ZNF709: variants seen among roughly 807,000 people sequenced by gnomAD.
The protein encoded by ZNF709 is zinc finger protein 709.
ZNF709 carries 15 observed loss-of-function variants against 10.6 expected under a neutral mutation model. The ratio of observed to expected loss-of-function variants is 1.41; its 90% confidence interval spans 0.95 to 2.18. The LOEUF (loss-of-function observed/expected upper bound fraction) is 2.18, where lower values mean the gene tolerates loss of function less well. ZNF709 is among the 30% of genes most tolerant of loss of function. The pLI is 0.00. For missense variants in ZNF709, 589 were observed against 774.0 expected, an observed-to-expected ratio of 0.76 and a Z score of 2.84; for synonymous variants, 194 against 238.8, an observed-to-expected ratio of 0.81 and a Z score of 1.73.
chr19:12,484,377 G>T (rs1242856860), intron 1 of ZNF709, among the ~76,000 whole-genome samples: 1 of 152,222 alleles, frequency 6.6e-6, no homozygotes, highest in African/African-American at 2.4e-5. Context: ...ACAATCTGGG[G>T]AGACGCGAGG....
At chr19:12,469,689 A>C (rs962846290) in intron 1 of ZNF709, among the ~76,000 whole-genome samples, 3 of 152,026 alleles carry the variant, frequency 2.0e-5, no homozygotes, top group South Asian at 2.1e-4. Flanking sequence ...GAATGGCGTG[A>C]ACCTGGGAGG....
intron 1 of ZNF709, among the ~76,000 whole-genome samples, chr19:12,473,660 T>C (rs143671689): frequency 5.3e-5 from 8 of 152,328 alleles, no homozygotes; most frequent in African/African-American, 1.7e-4. Context: ...GACATAGACA[T>C]ATTCATCACA....
At chr19:12,479,417 A>G (rs749881159) in intron 1 of ZNF709, among the ~76,000 whole-genome samples, 2 of 152,226 alleles carry the variant, frequency 1.3e-5, no homozygotes, top group Non-Finnish European at 2.9e-5. Context: ...AGACTCAACT[A>G]TTGTGGATTT....
intron 1 of ZNF709, among the ~76,000 whole-genome samples, chr19:12,477,622 G>A (rs775727069): frequency 4.6e-5 from 7 of 152,128 alleles, no homozygotes; most frequent in Admixed American, 2.6e-4. Context: ...TTGAGCCCTT[G>A]TATTGGCTAA....
intron 1 of ZNF709, among the ~76,000 whole-genome samples, chr19:12,473,757 T>A (rs991952172): frequency 2.0e-5 from 3 of 152,292 alleles, no homozygotes. Context: ...TTTAGAAATT[T>A]TAAGACTAGG....
intron 1 of ZNF709, among the ~76,000 whole-genome samples, chr19:12,470,798 G>A (rs182360463): frequency 2.0e-5 from 3 of 152,104 alleles, no homozygotes; most frequent in Non-Finnish European, 2.9e-5. Flanking sequence ...GTGATGTCGG[G>A]AGCCTGTAGT....
At position 12,463,035 on chromosome 19, in the gene ZNF709, T is replaced by C. The variant is rs923943513; in HGVS notation, c.*961A>G. 2.0e-5 allele frequency: 3 copies of C among 152,228 alleles called. No individual in the cohort carries two copies. Among genetic ancestry groups the C allele is most frequent in the African/African-American group, 4.8e-5 (2 of 41,466 alleles). The allele number at this position is 152,228 out of a possible 1,614,324, so 9.4% of individuals were successfully genotyped here. ...AATATGTTTTATCACATTTCTGACATGTTGTGAATTTTCTAGAACAATATA... is the reference window on the plus strand; with the variant it reads ...AATATGTTTTATCACATTTCTGACACGTTGTGAATTTTCTAGAACAATATA... On this transcript the variant is annotated 3_prime_UTR_variant, in exon 4 of 4. Transcript: ENST00000397732.
chr19:12,466,589 T>C, intron 2 of ZNF709, 70 bp from the exon 3 acceptor site: 1 of 1,604,136 alleles, frequency 6.2e-7, no homozygotes, highest in Non-Finnish European at 8.5e-7. Context: ...ATTCTAAATC[T>C]AGGATGAGCT....
intron 1 of ZNF709, among the ~76,000 whole-genome samples, chr19:12,482,181 A>ACGCG: frequency 1.3e-5 from 2 of 150,956 alleles, no homozygotes; most frequent in East Asian, 4.0e-4. Context: ...ACACACACAC[A>ACGCG]CACGCTCCCT....
At chr19:12,468,741 T>G (rs1474434417) in intron 1 of ZNF709, among the ~76,000 whole-genome samples, 1 of 151,808 alleles carries the variant, frequency 6.6e-6, no homozygotes, top group African/African-American at 2.4e-5. Context: ...ATATTTCCAG[T>G]TTAAGACCAA....
intron 1 of ZNF709, among the ~76,000 whole-genome samples, chr19:12,468,124 C>T (rs1046893987): frequency 6.6e-6 from 1 of 151,764 alleles, no homozygotes; most frequent in Non-Finnish European, 1.5e-5. Context: ...TGGGGGGCGC[C>T]TCTGCCTGGC....
intron 1 of ZNF709, among the ~76,000 whole-genome samples, chr19:12,469,092 G>A (rs529076434): frequency 2.6e-5 from 4 of 152,042 alleles, no homozygotes; most frequent in African/African-American, 9.6e-5. Flanking sequence ...CGCCCACCTC[G>A]GCCTCCCAAA....
chr19:12,483,699 G>A (rs530022325), intron 1 of ZNF709, among the ~76,000 whole-genome samples: 1 of 152,004 alleles, frequency 6.6e-6, no homozygotes, highest in South Asian at 2.1e-4. Flanking sequence ...CACCACGCCC[G>A]GCTAATTTTT....
chr19:12,463,933 A>T lies in ZNF709; in HGVS notation c.*63T>A. 7.9e-7 allele frequency: 1 copy of T among 1,267,384 alleles called. No individual in the cohort carries two copies. The highest frequency in any genetic ancestry group is 1.0e-6 in the Non-Finnish European group (1 of 969,088). 78.5% of individuals were successfully genotyped at this position (1,267,384 alleles called of 1,614,324 possible). ...CAGAGTGAGAATTCAACTCAAAAAA[A>T]AAAAAAAAAAAAAAGGAAATAGGAC... On this transcript the variant is annotated 3_prime_UTR_variant, in exon 4 of 4. Transcript: ENST00000397732.
intron 1 of ZNF709, among the ~76,000 whole-genome samples, chr19:12,481,844 G>A (rs1332305318): frequency 6.7e-6 from 1 of 148,618 alleles, no homozygotes; most frequent in Non-Finnish European, 1.5e-5. Flanking sequence ...AAAGGTGTTC[G>A]AGGTTACAGT....
Position 12,464,456 on chromosome 19 carries a change from C to T in ZNF709, c.1466G>A (p.Ser489Asn). The change falls in exon 4 of 4, where the codon AGT (serine) becomes AAT (asparagine). Residue 489 changes from serine to asparagine, a missense_variant. Ser to Asn is a conservative substitution (Grantham distance 46). Transcript: ENST00000397732. ...KQCGKAFSFS[S>N]SFRMHERTHT... ...AGTCCTTTCATGCATCCGAAAGGAA[C>T]TAGAAAAACTAAAGGCTTTACCACA... 6.2e-7 allele frequency: 1 copy of T among 1,611,910 alleles called. No homozygotes were observed. Among genetic ancestry groups the T allele is most frequent in the Non-Finnish European group, 8.5e-7 (1 of 1,179,080 alleles).
intron 1 of ZNF709, among the ~76,000 whole-genome samples, chr19:12,482,034 C>G (rs976186501): frequency 6.6e-6 from 1 of 151,496 alleles, no homozygotes; most frequent in African/African-American, 2.4e-5. Flanking sequence ...AAAGCCAAGC[C>G]ACATCTGTAA....
chr19:12,465,063 T>TA lies in ZNF709; in HGVS notation c.858dup (p.Lys287Ter), dbSNP rs1970556455. 1 of 1,613,268 alleles carries TA rather than the reference T, an allele frequency of 6.2e-7. No individual in the cohort carries two copies. Among genetic ancestry groups the TA allele is most frequent in the South Asian group, 1.1e-5 (1 of 90,880 alleles). On this transcript the variant is annotated frameshift_variant, in exon 4 of 4. Coordinates refer to ENST00000397732, the MANE Select transcript of ZNF709 (RefSeq NM_152601.4). LOFTEE classifies it low-confidence loss of function (END_TRUNC). ...AAGGATGTGGGACAACTAAGAGCTTTACCACATTGCTTACACTGATAGGGT... is the reference window on the plus strand; with the variant it reads ...AAGGATGTGGGACAACTAAGAGCTTTAACCACATTGCTTACACTGATAGGGT...
In ZNF709 at chr19:12,461,938, G is replaced by C. The variant is rs1457650524; in HGVS notation, c.*2058C>G. On this transcript the variant is annotated 3_prime_UTR_variant, in exon 4 of 4. Transcript: ENST00000397732. The stretch of plus-strand genomic sequence containing the variant: ...CAAAAAAAATTTAGCTGGGCTTGGT[G>C]GTGGGCACCTATAATCCCAGCTACT... The C allele has an allele frequency of 6.6e-6, 1 of 152,202 alleles. No individual in the cohort carries two copies. The highest frequency in any genetic ancestry group is 1.5e-5 in the Non-Finnish European group (1 of 68,112). 9.4% of individuals were successfully genotyped at this position (152,202 alleles called of 1,614,324 possible).
Sources: gnomAD v4.1 joint callset for allele counts (sites outside exome capture counted in the v4.1 genomes callset) on GRCh38, gnomAD v4.1.1 for gene constraint, MANE v1.5 for transcripts, NCBI Gene and HGNC (gene_info 2026-07-23, HGNC 2026-07-21) for gene names.